KIRREL3: variants seen among roughly 807,000 people sequenced by gnomAD.
KIRREL3 encodes kirre like nephrin family adhesion molecule 3.
In KIRREL3, 36 loss-of-function variants were observed where a neutral mutation model predicts 89.7. The observed-to-expected ratio is 0.40, with a 90% CI of 0.31 to 0.53. KIRREL3 has a LOEUF of 0.53. KIRREL3 is among the 20% of genes least tolerant of loss of function. The probability of loss-of-function intolerance (pLI) is 0.49; values close to 1 mark genes in which losing one functional copy is unlikely to be tolerated. For synonymous variants in KIRREL3, 445 were observed against 441.4 expected, an observed-to-expected ratio of 1.01 and a Z score of -0.10; for missense variants, 864 against 1,056.6, an observed-to-expected ratio of 0.82 and a Z score of 2.53.
In KIRREL3 at chr11:126,708,836, A is replaced by G. The variant is rs137951116; in HGVS notation, c.56-145924T>C. On this transcript the variant is annotated intron_variant, in intron 1 of 16. Transcript: ENST00000525144. The surrounding 1 kb of genome is among the most constrained non-coding windows in gnomAD (Gnocchi z 5.7). ...TCATCACTAAGCCAGGTCAAAGGCC[A>G]TGGGATCAGCTGTGATCTCTCCCTT... 8.3e-4 allele frequency among the ~76,000 whole-genome samples: 126 copies of G among 152,334 alleles called. No homozygotes were observed. The highest frequency in any genetic ancestry group is 1.8e-3 in the Admixed American group (27 of 15,312).
chr11:126,692,313 G>C (rs1946907594), intron 1 of KIRREL3, among the ~76,000 whole-genome samples: 1 of 152,048 alleles, frequency 6.6e-6, no homozygotes, highest in African/African-American at 2.4e-5. Context: ...CGGAAGCCAA[G>C]GCAGGAAGAT....
rs1949906760 is a variant in KIRREL3, at chr11:126,768,235, CATCT to C, written c.56-205327_56-205324del. Among the ~76,000 whole-genome samples the C allele has an allele frequency of 6.7e-6, 1 of 149,190 alleles. No homozygotes were observed. Among genetic ancestry groups the C allele is most frequent in the Admixed American group, 6.7e-5 (1 of 15,004 alleles). ...CATCCATCCATCCATTCAATCTGTC[CATCT>C]GTCCATCCATACATGCATCCACCCA... is the stretch of plus-strand genomic sequence containing the variant. On this transcript the variant is annotated intron_variant, in intron 1 of 16. Coordinates refer to ENST00000525144, the MANE Select transcript of KIRREL3 (RefSeq NM_032531.4). The surrounding 1 kb of genome is among the most constrained non-coding windows in gnomAD (Gnocchi z 4.5).
chr11:126,509,068 T>C (rs12806499), intron 4 of KIRREL3, among the ~76,000 whole-genome samples: 56,276 of 152,062 alleles, frequency 0.37, 11,369 homozygotes, highest in African/African-American at 0.52. Context: ...TTTGAAGCTG[T>C]GTCCAGTCCC....
chr11:126,640,289 C>T lies in KIRREL3; in HGVS notation c.56-77377G>A, dbSNP rs1330841159. ...GTGGGTATGTGGGGCTCCTGGGGAC[C>T]CACTTTGGTTTGGGAAAGGAGGTTG... On this transcript the variant is annotated intron_variant, in intron 1 of 16. Coordinates refer to ENST00000525144, the MANE Select transcript of KIRREL3 (RefSeq NM_032531.4). This position sits in a 1 kb window ranked among gnomAD's most constrained non-coding sequence, Gnocchi z 4.9. 6.6e-6 allele frequency among the ~76,000 whole-genome samples: 1 copy of T among 151,970 alleles called. No individual in the cohort carries two copies. Among genetic ancestry groups the T allele is most frequent in the Non-Finnish European group, 1.5e-5 (1 of 67,990 alleles).
At position 126,498,246 on chromosome 11, in the gene KIRREL3, C is replaced by A. The variant is rs951490301; in HGVS notation, c.433+23069G>T. 2.0e-5 allele frequency among the ~76,000 whole-genome samples: 3 copies of A among 152,108 alleles called. No individual in the cohort carries two copies. The highest frequency in any genetic ancestry group is 4.4e-5 in the Non-Finnish European group (3 of 68,008). ...CAAAAGAGGATTTACTTTCTTCCCC[C>A]AAAATGATGTCATCAGCTAAGACAA... On this transcript the variant is annotated intron_variant, in intron 4 of 16. Transcript: ENST00000525144. The surrounding 1 kb of genome is among the most constrained non-coding windows in gnomAD (Gnocchi z 4.3).
chr11:126,950,294 G>A (rs1229062267), intron 1 of KIRREL3, among the ~76,000 whole-genome samples: 1 of 152,138 alleles, frequency 6.6e-6, no homozygotes, highest in Non-Finnish European at 1.5e-5. Context: ...TTGAACCTGG[G>A]AGACGGAGAT....
At chr11:126,626,381 G>A (rs538025034) in intron 1 of KIRREL3, among the ~76,000 whole-genome samples, 2 of 152,342 alleles carry the variant, frequency 1.3e-5, no homozygotes, top group African/African-American at 4.8e-5. Flanking sequence ...ATCAACACCA[G>A]CCTTATAAGC....
At chr11:126,915,101 C>A (rs1357458322) in intron 1 of KIRREL3, among the ~76,000 whole-genome samples, 1 of 152,140 alleles carries the variant, frequency 6.6e-6, no homozygotes, top group Non-Finnish European at 1.5e-5. Context: ...TATTGGAGTT[C>A]ACCAGGCATC....
chr11:126,689,042 A>AAAAGAG lies in KIRREL3; in HGVS notation c.56-126131_56-126130insCTCTTT, dbSNP rs1491218034. On this transcript the variant is annotated intron_variant, in intron 1 of 16. Transcript: ENST00000525144. This position sits in a 1 kb window ranked among gnomAD's most constrained non-coding sequence, Gnocchi z 5.2. ...ATGTGTGTGTGTGTAAGGGGGAGAG[A>AAAAGAG]AGAGAGAGAGAGAGAGAGAGAGAGA... 4.6e-5 allele frequency among the ~76,000 whole-genome samples: 6 copies of AAAAGAG among 129,814 alleles called. No individual in the cohort carries two copies. Among genetic ancestry groups the AAAAGAG allele is most frequent in the African/African-American group, 1.5e-4 (5 of 33,426 alleles). The allele number at this position is 129,814 out of a possible 152,430, so 85.2% of individuals were successfully genotyped here.
At chr11:126,822,396 T>A (rs1398539126) in intron 1 of KIRREL3, among the ~76,000 whole-genome samples, 1 of 152,216 alleles carries the variant, frequency 6.6e-6, no homozygotes, top group Non-Finnish European at 1.5e-5. Context: ...AACTTCTAAT[T>A]TCAGTAGCTC....
chr11:126,436,494 C>T (rs1319844226), intron 12 of KIRREL3, among the ~76,000 whole-genome samples: 2 of 152,252 alleles, frequency 1.3e-5, no homozygotes, highest in African/African-American at 4.8e-5. Flanking sequence ...CTGGAGGCTA[C>T]TGGGCAGCTT....
chr11:126,949,847 C>T (rs902271083), intron 1 of KIRREL3, among the ~76,000 whole-genome samples: 8 of 152,220 alleles, frequency 5.3e-5, no homozygotes, highest in Non-Finnish European at 1.0e-4. Context: ...CAGATGCATA[C>T]ACAACACAGC....
chr11:126,993,377 C>T lies in KIRREL3; in HGVS notation c.55+7078G>A, dbSNP rs1317560372. ...TCTGAACATATCGCATTCTGTTCTG[C>T]CTTTTGTATTTGCATACACTGTAAG... is the stretch of plus-strand genomic sequence containing the variant. On this transcript the variant is annotated intron_variant, in intron 1 of 16. Coordinates refer to ENST00000525144, the MANE Select transcript of KIRREL3 (RefSeq NM_032531.4). This position sits in a 1 kb window ranked among gnomAD's most constrained non-coding sequence, Gnocchi z 6.1. Among the ~76,000 whole-genome samples, 1 of 152,162 alleles carries T rather than the reference C, an allele frequency of 6.6e-6. No individual in the cohort carries two copies. The highest frequency in any genetic ancestry group is 1.5e-5 in the Non-Finnish European group (1 of 68,032).
chr11:126,541,969 G>A lies in KIRREL3; in HGVS notation c.134-15282C>T, dbSNP rs1334008583. Among the ~76,000 whole-genome samples, 3 of 152,206 alleles carry A rather than the reference G, an allele frequency of 2.0e-5. No individual in the cohort carries two copies. Among genetic ancestry groups the A allele is most frequent in the Non-Finnish European group, 1.5e-5 (1 of 68,030 alleles). ...TGTATAAAACGGTGGAGGCAGAGCT[G>A]AGGCAGCGCGGGAAGGACCGAGTCC... On this transcript the variant is annotated intron_variant, in intron 2 of 16. Transcript: ENST00000525144. The surrounding 1 kb of genome is among the most constrained non-coding windows in gnomAD (Gnocchi z 4.8).
In KIRREL3 at chr11:126,507,246, A is replaced by C. The variant is rs1958051767; in HGVS notation, c.433+14069T>G. On this transcript the variant is annotated intron_variant, in intron 4 of 16. Coordinates refer to ENST00000525144, the MANE Select transcript of KIRREL3 (RefSeq NM_032531.4). ...CAAGGGATCGTTTTAGGGTGATGAAAATGTTCTAATACTGGATTGTGGGGG... is the reference window on the plus strand; with the variant it reads ...CAAGGGATCGTTTTAGGGTGATGAACATGTTCTAATACTGGATTGTGGGGG... Among the ~76,000 whole-genome samples, 6 of 151,354 alleles carry C rather than the reference A, an allele frequency of 4.0e-5. No individual in the cohort carries two copies. The South Asian group carries it at 1.2e-3, about 31-fold the overall frequency.
intron 7 of KIRREL3, among the ~76,000 whole-genome samples, chr11:126,452,212 A>T (rs1016280589): frequency 3.3e-5 from 5 of 152,258 alleles, no homozygotes; most frequent in Non-Finnish European, 5.9e-5. Flanking sequence ...AGAGCAAACC[A>T]TATCTCCCTT....
At chr11:126,907,480 A>G (rs952980192) in intron 1 of KIRREL3, among the ~76,000 whole-genome samples, 6 of 152,196 alleles carry the variant, frequency 3.9e-5, no homozygotes, top group Non-Finnish European at 8.8e-5. Context: ...TAAGAAAAAG[A>G]TGGCTTGCAG....
At chr11:126,863,402 C>T (rs115276578) in intron 1 of KIRREL3, among the ~76,000 whole-genome samples, 79,276 of 117,698 alleles carry the variant, frequency 0.67, 24,669 homozygotes, top group African/African-American at 0.8. Context: ...TGTGTGAGTG[C>T]GTGAGTGCGT....
chr11:126,563,499 G>A lies in KIRREL3; in HGVS notation c.56-587C>T, dbSNP rs865876411. Among the ~76,000 whole-genome samples, 9 of 152,102 alleles carry A rather than the reference G, an allele frequency of 5.9e-5. No homozygotes were observed. Among genetic ancestry groups the A allele is most frequent in the African/African-American group, 9.7e-5 (4 of 41,402 alleles). ...TCTCTCTACCTTTTGGAGAGGGTGCGTTTCTGGTGCTAGAGATTCCTGTGC... is the reference window on the plus strand; with the variant it reads ...TCTCTCTACCTTTTGGAGAGGGTGCATTTCTGGTGCTAGAGATTCCTGTGC... On this transcript the variant is annotated intron_variant, in intron 1 of 16. Transcript: ENST00000525144. The surrounding 1 kb of genome is among the most constrained non-coding windows in gnomAD (Gnocchi z 6.8).
Sources: allele counts gnomAD v4.1 joint callset (sites outside exome capture counted in the v4.1 genomes callset), GRCh38; gene constraint gnomAD v4.1.1; non-coding constraint Gnocchi (gnomAD v3.1); transcripts MANE v1.5; gene names NCBI Gene and HGNC (gene_info 2026-07-23, HGNC 2026-07-21).